KCNIP4: variants seen among roughly 807,000 people sequenced by gnomAD.
The protein encoded by KCNIP4 is Kv channel-interacting protein 4.
A neutral mutation model predicts 34.0 loss-of-function variants in KCNIP4; 12 were observed. The observed-to-expected ratio is 0.35, with a 90% CI of 0.23 to 0.57. The LOEUF (loss-of-function observed/expected upper bound fraction) is 0.57. Among genes scored for constraint, KCNIP4 ranks in the 20% least tolerant of loss-of-function variants. KCNIP4 has a pLI of 0.83. For synonymous variants in KCNIP4, 124 were observed against 102.2 expected, an observed-to-expected ratio of 1.21 and a Z score of -1.29; for missense variants, 238 against 311.7, an observed-to-expected ratio of 0.76 and a Z score of 1.78.
At chr4:21,564,648 A>G (rs1053955232) in intron 1 of KCNIP4, among the ~76,000 whole-genome samples, 4 of 152,064 alleles carry the variant, frequency 2.6e-5, no homozygotes, top group Non-Finnish European at 4.4e-5. Context: ...ATGAAGAGAT[A>G]CCTGAGGCTG....
intron 2 of KCNIP4, among the ~76,000 whole-genome samples, chr4:20,857,016 G>A (rs544459249): frequency 3.4e-4 from 51 of 150,304 alleles, no homozygotes; most frequent in South Asian, 1.1e-3. Context: ...TTAAGTGTGC[G>A]TGATAGGATG....
intron 1 of KCNIP4, among the ~76,000 whole-genome samples, chr4:21,312,767 G>C (rs1436544047): frequency 1.3e-5 from 2 of 152,124 alleles, no homozygotes; most frequent in African/African-American, 4.8e-5. Context: ...ACCAACTTTA[G>C]TAGAGACAGA....
intron 1 of KCNIP4, among the ~76,000 whole-genome samples, chr4:21,501,030 G>A (rs1733282988): frequency 6.6e-6 from 1 of 151,622 alleles, no homozygotes; most frequent in Non-Finnish European, 1.5e-5. Flanking sequence ...CATAAATTTA[G>A]GCAAGACCTC....
chr4:21,318,660 T>C (rs1246311484), intron 1 of KCNIP4, among the ~76,000 whole-genome samples: 1 of 152,166 alleles, frequency 6.6e-6, no homozygotes, highest in African/African-American at 2.4e-5. Context: ...TCTAAAATCC[T>C]GGGTTTTTTT....
At chr4:21,781,530 A>G (rs928453135) in intron 1 of KCNIP4, among the ~76,000 whole-genome samples, 6 of 152,210 alleles carry the variant, frequency 3.9e-5, no homozygotes, top group African/African-American at 1.4e-4. Flanking sequence ...CAGATAAAGG[A>G]AAACTAAGAA....
At chr4:21,461,655 C>A (rs1729475574) in intron 1 of KCNIP4, among the ~76,000 whole-genome samples, 1 of 151,996 alleles carries the variant, frequency 6.6e-6, no homozygotes, top group Non-Finnish European at 1.5e-5. Context: ...TTCCCAGCTG[C>A]ACCTTGTATG....
At chr4:21,201,721 A>T (rs1756513269) in intron 1 of KCNIP4, among the ~76,000 whole-genome samples, 1 of 152,052 alleles carries the variant, frequency 6.6e-6, no homozygotes, top group African/African-American at 2.4e-5. Context: ...GAAGGTTTCG[A>T]CCTCCTGACC....
Position 21,433,924 on chromosome 4 carries a change from A to G in KCNIP4, c.61+514647T>C, listed in dbSNP as rs534439421. On this transcript the variant is annotated intron_variant, in intron 1 of 8. Coordinates refer to ENST00000382152, the MANE Select transcript of KCNIP4 (RefSeq NM_025221.6). Reference sequence around the variant, plus strand: ...TTAATATTATCATTTGTTAATAAAGAGTTACAGGTCAGGCACATTTAAATA... The same window carrying G: ...TTAATATTATCATTTGTTAATAAAGGGTTACAGGTCAGGCACATTTAAATA... Among the ~76,000 whole-genome samples, 5 of 152,358 alleles carry G rather than the reference A, an allele frequency of 3.3e-5. 1 individual carries two copies. The South Asian group carries it at 1.0e-3, about 32-fold the overall frequency.
chr4:21,620,678 A>G (rs1483030350), intron 1 of KCNIP4, among the ~76,000 whole-genome samples: 1 of 152,220 alleles, frequency 6.6e-6, no homozygotes, highest in African/African-American at 2.4e-5. Flanking sequence ...TCCCTGAACA[A>G]TCAGCCCTAG....
intron 1 of KCNIP4, among the ~76,000 whole-genome samples, chr4:21,606,708 C>T (rs2109134854): frequency 6.6e-6 from 1 of 152,308 alleles, no homozygotes; most frequent in South Asian, 2.1e-4. Flanking sequence ...ATTCTCCTGC[C>T]TCAGCCTCCC....
chr4:21,015,833 C>T (rs556353219), intron 1 of KCNIP4, among the ~76,000 whole-genome samples: 1 of 126,938 alleles, frequency 7.9e-6, no homozygotes, highest in Non-Finnish European at 1.6e-5. Context: ...AAAATATATA[C>T]AATATATACA....
intron 1 of KCNIP4, among the ~76,000 whole-genome samples, chr4:21,734,687 T>C (rs1715860593): frequency 6.6e-6 from 1 of 152,146 alleles, no homozygotes; most frequent in Admixed American, 6.5e-5. Context: ...GTTATAAATA[T>C]AAATAGATTA....
intron 1 of KCNIP4, among the ~76,000 whole-genome samples, chr4:20,908,470 G>A (rs1317069962): frequency 2.0e-5 from 3 of 152,196 alleles, no homozygotes; most frequent in Admixed American, 6.5e-5. Context: ...TATTAACTAT[G>A]CTGAAAATTC....
At chr4:20,891,031 G>A (rs1725862303) in intron 1 of KCNIP4, among the ~76,000 whole-genome samples, 1 of 152,188 alleles carries the variant, frequency 6.6e-6, no homozygotes, top group Non-Finnish European at 1.5e-5. Context: ...AACAAGTACT[G>A]ACAGTGGCAA....
chr4:21,492,026 T>C (rs1732441284), intron 1 of KCNIP4, among the ~76,000 whole-genome samples: 1 of 152,186 alleles, frequency 6.6e-6, no homozygotes, highest in South Asian at 2.1e-4. Flanking sequence ...CAAAGATAGA[T>C]TCTCTACTGT....
intron 4 of KCNIP4, among the ~76,000 whole-genome samples, chr4:20,754,321 G>C (rs781101608): frequency 1.1e-4 from 16 of 152,178 alleles, no homozygotes; most frequent in Non-Finnish European, 2.2e-4. Context: ...CTGTAGATAA[G>C]ACAAAGCACT....
chr4:20,905,332 A>G lies in KCNIP4; in HGVS notation c.62-22623T>C, dbSNP rs567357497. Among the ~76,000 whole-genome samples the G allele has an allele frequency of 1.1e-3, 174 of 152,204 alleles. 1 individual carries two copies. The highest frequency in any genetic ancestry group is 4.0e-3 in the African/African-American group (167 of 41,524). On this transcript the variant is annotated intron_variant, in intron 1 of 8. Transcript: ENST00000382152. ...TTTATAAGGAAACCAGCCATACTGAATTAGGGTTTCACCCTAATGACCTTA... is the reference window on the plus strand; with the variant it reads ...TTTATAAGGAAACCAGCCATACTGAGTTAGGGTTTCACCCTAATGACCTTA...
At chr4:21,378,923 C>A (rs1468537227) in intron 1 of KCNIP4, among the ~76,000 whole-genome samples, 2 of 152,048 alleles carry the variant, frequency 1.3e-5, no homozygotes, top group African/African-American at 2.4e-5. Context: ...ATCATATATT[C>A]TTTTCTTCTT....
At chr4:20,754,629 G>A (rs896194964) in intron 4 of KCNIP4, among the ~76,000 whole-genome samples, 1 of 152,022 alleles carries the variant, frequency 6.6e-6, no homozygotes, top group Admixed American at 6.6e-5. Flanking sequence ...GCCTCATGTG[G>A]TCAGATTTCT....
Sources: allele counts gnomAD v4.1 joint callset (sites outside exome capture counted in the v4.1 genomes callset), GRCh38; gene constraint gnomAD v4.1.1; transcripts MANE v1.5; gene names NCBI Gene and HGNC (gene_info 2026-07-23, HGNC 2026-07-21).